The following HMGCLL1 variants were observed in gnomAD, a reference collection of about 807,000 sequenced individuals.
The protein encoded by HMGCLL1 is 3-hydroxy-3-methylglutaryl-CoA lyase like 1.
In HMGCLL1, 36 loss-of-function variants were observed where a neutral mutation model predicts 39.1. The ratio of observed to expected loss-of-function variants is 0.92; its 90% CI spans 0.71 to 1.22. The LOEUF (loss-of-function observed/expected upper bound fraction) is 1.22. HMGCLL1 is among the 50% of genes most tolerant of loss of function. HMGCLL1 has a pLI of 0.00. For synonymous variants in HMGCLL1, 149 were observed against 144.0 expected, an observed-to-expected ratio of 1.03 and a Z score of -0.25; for missense variants, 451 against 416.5, an observed-to-expected ratio of 1.08 and a Z score of -0.72.
At chr6:55,500,719 T>G (rs957217554) in intron 5 of HMGCLL1, among the ~76,000 whole-genome samples, 14 of 152,162 alleles carry the variant, frequency 9.2e-5, no homozygotes, top group African/African-American at 3.4e-4. Context: ...CTTTAGATAA[T>G]CTGTACATTT....
intron 3 of HMGCLL1, among the ~76,000 whole-genome samples, chr6:55,528,218 G>C (rs1175257988): frequency 6.6e-6 from 1 of 152,006 alleles, no homozygotes; most frequent in Admixed American, 6.6e-5. Flanking sequence ...ATAACTGACA[G>C]TATTACTTTC....
intron 7 of HMGCLL1, among the ~76,000 whole-genome samples, chr6:55,451,751 C>A (rs1764095461): frequency 6.6e-6 from 1 of 151,876 alleles, no homozygotes; most frequent in African/African-American, 2.4e-5. Flanking sequence ...GAAAATACAA[C>A]TAAATGTTAA....
chr6:55,508,336 C>A (rs532193377), intron 5 of HMGCLL1, among the ~76,000 whole-genome samples: 1 of 151,896 alleles, frequency 6.6e-6, no homozygotes, highest in Non-Finnish European at 1.5e-5. Context: ...TCCCTAATTA[C>A]ATTTTTAAAA....
chr6:55,517,550 T>A (rs2127438782), intron 3 of HMGCLL1, among the ~76,000 whole-genome samples: 1 of 152,044 alleles, frequency 6.6e-6, no homozygotes, highest in South Asian at 2.1e-4. Flanking sequence ...GGCTATTGGG[T>A]TTTCTTTATA....
chr6:55,614,517 C>T, the HMGCLL1 span, among the ~76,000 whole-genome samples: 1 of 152,108 alleles, frequency 6.6e-6, no homozygotes, highest in East Asian at 1.9e-4. Flanking sequence ...GCGGCCCAAG[C>T]TAAGAACACC....
chr6:55,477,185 A>ATATATTATATATTATAATATAATATATAT (rs1197436863), intron 7 of HMGCLL1, among the ~76,000 whole-genome samples: 1 of 33,930 alleles, frequency 2.9e-5, no homozygotes, highest in African/African-American at 1.7e-4. Flanking sequence ...TATTATATTT[A>ATATATTATATATTATAATATAATATATAT]TATATTATAT....
chr6:55,634,044 C>T, the HMGCLL1 span, among the ~76,000 whole-genome samples: 1 of 151,722 alleles, frequency 6.6e-6, no homozygotes, highest in Non-Finnish European at 1.5e-5. Context: ...TATAATTTGA[C>T]ATCACTTTTT....
Position 55,435,296 on chromosome 6 carries a change from T to C in HMGCLL1, c.*366A>G, listed in dbSNP as rs897589430. The stretch of plus-strand genomic sequence containing the variant: ...GCAGGAGCTCATAAACTACTGACAA[T>C]ATGTACACAGTGTTAAGCCTGCTTG... On this transcript the variant is annotated 3_prime_UTR_variant, in exon 9 of 9. Transcript: ENST00000274901. 10 of 163,516 alleles carry C rather than the reference T, an allele frequency of 6.1e-5. No individual in the cohort carries two copies. The highest frequency in any genetic ancestry group is 2.4e-4 in the African/African-American group (10 of 41,610). 10.1% of individuals were successfully genotyped at this position (163,516 alleles called of 1,614,324 possible).
intron 1 of HMGCLL1, among the ~76,000 whole-genome samples, chr6:55,562,836 T>C (rs1375871941): frequency 6.6e-6 from 1 of 152,090 alleles, no homozygotes; most frequent in African/African-American, 2.4e-5. Context: ...GTTCTCATTA[T>C]ACCAATCTCA....
chr6:55,477,308 ATATATAATATATATTATAT>A (rs1387813216), intron 7 of HMGCLL1, among the ~76,000 whole-genome samples: 172 of 14,230 alleles, frequency 0.012, 3 homozygotes, highest in Admixed American at 0.013. Flanking sequence ...TATATATTAT[ATATATAATATATATTATAT>A]TATATAATAT....
chr6:55,675,463 T>C, the HMGCLL1 span, among the ~76,000 whole-genome samples: 1 of 152,148 alleles, frequency 6.6e-6, no homozygotes, highest in African/African-American at 2.4e-5. Flanking sequence ...GAATAAATTA[T>C]GTCTTCTCAG....
chr6:55,496,861 T>C (rs770417592), intron 6 of HMGCLL1, among the ~76,000 whole-genome samples: 2 of 152,144 alleles, frequency 1.3e-5, no homozygotes, highest in African/African-American at 2.4e-5. Flanking sequence ...AACAGTAAGC[T>C]ATTAGTAGTT....
chr6:55,657,270 T>C, the HMGCLL1 span, among the ~76,000 whole-genome samples: 8 of 152,102 alleles, frequency 5.3e-5, no homozygotes, highest in Admixed American at 2.6e-4. Flanking sequence ...GATGAAAACT[T>C]TGCCCATGCC....
At chr6:55,634,663 G>A in the HMGCLL1 span, among the ~76,000 whole-genome samples, 1 of 152,024 alleles carries the variant, frequency 6.6e-6, no homozygotes, top group African/African-American at 2.4e-5. Flanking sequence ...CAAATTCTTA[G>A]AACTTTACTT....
At chr6:55,477,160 T>TTA (rs1765343482) in intron 7 of HMGCLL1, among the ~76,000 whole-genome samples, 1 of 52,320 alleles carries the variant, frequency 1.9e-5, no homozygotes, top group African/African-American at 8.4e-5. Flanking sequence ...ATATTATATA[T>TTA]TATAATATAA....
chr6:55,666,567 C>A, the HMGCLL1 span, among the ~76,000 whole-genome samples: 1 of 151,478 alleles, frequency 6.6e-6, no homozygotes. Context: ...TTATGAGAGA[C>A]CAGGCCACAA....
chr6:55,586,883 T>C, the HMGCLL1 span, among the ~76,000 whole-genome samples: 5 of 152,146 alleles, frequency 3.3e-5, no homozygotes, highest in African/African-American at 1.2e-4. Context: ...TATAGCAGCA[T>C]GATTTATAAT....
At chr6:55,446,721 A>T (rs2127385571) in intron 7 of HMGCLL1, among the ~76,000 whole-genome samples, 1 of 152,114 alleles carries the variant, frequency 6.6e-6, no homozygotes, top group African/African-American at 2.4e-5. Context: ...GTATGGTCTT[A>T]TAACCCAAAT....
intron 7 of HMGCLL1, among the ~76,000 whole-genome samples, chr6:55,446,135 A>G (rs1763820161): frequency 1.3e-5 from 2 of 151,856 alleles, no homozygotes; most frequent in African/African-American, 4.8e-5. Context: ...AAGTGACTAT[A>G]TATTTTGGCT....
Sources: gnomAD v4.1 joint callset for allele counts (sites outside exome capture counted in the v4.1 genomes callset) on GRCh38, gnomAD v4.1.1 for gene constraint, MANE v1.5 for transcripts, NCBI Gene and HGNC (gene_info 2026-07-23, HGNC 2026-07-21) for gene names.